PKM: variants seen among roughly 807,000 people sequenced by gnomAD.
The protein encoded by PKM is pyruvate kinase PKM.
In PKM, 18 loss-of-function variants were observed where a neutral mutation model predicts 49.8. The ratio of observed to expected loss-of-function variants is 0.36; its 90% CI spans 0.25 to 0.54. The LOEUF (loss-of-function observed/expected upper bound fraction) is 0.54. Among genes scored for constraint, PKM ranks in the 20% least tolerant of loss-of-function variants. The pLI is 0.89. For synonymous variants in PKM, 239 were observed against 261.8 expected (o/e 0.91, Z 0.84); for missense variants, 508 against 713.8 (o/e 0.71, Z 3.28).
chr15:72,220,681 G>C (rs906696887), intron 1 of PKM, among the ~76,000 whole-genome samples: 2 of 152,150 alleles, frequency 1.3e-5, no homozygotes, highest in African/African-American at 4.8e-5. Flanking sequence ...GGACCTATAT[G>C]GTTTTGTATC....
At chr15:72,209,893 G>T (rs1376807843) in intron 4 of PKM, 34 bp from the exon 5 acceptor site, 14 of 1,557,046 alleles carry the variant, frequency 9.0e-6, no homozygotes, top group Non-Finnish European at 1.2e-5. Flanking sequence ...AGTCCAAACT[G>T]GAGACACCAG....
chr15:72,212,106 G>C (rs768411552), intron 3 of PKM, among the ~76,000 whole-genome samples: 4 of 152,150 alleles, frequency 2.6e-5, no homozygotes, highest in African/African-American at 9.7e-5. Context: ...CCCTTGGCTT[G>C]TCTGTTTTTT....
rs2081924108 is a variant in PKM, at chr15:72,200,703, C to A, written c.1308-48G>T. 1 of 1,531,826 alleles carries A rather than the reference C, an allele frequency of 6.5e-7. No individual in the cohort carries two copies. Among genetic ancestry groups the A allele is most frequent in the South Asian group, 1.2e-5 (1 of 86,268 alleles). The allele number at this position is 1,531,826 out of a possible 1,614,324, so 94.9% of individuals were successfully genotyped here. Reference sequence around the variant, plus strand: ...CAGAAGAGACCATTACACGAGGCCCCAGGAAGTACCCTCAGGGCGTTCAAA... The same window carrying A: ...CAGAAGAGACCATTACACGAGGCCCAAGGAAGTACCCTCAGGGCGTTCAAA... On this transcript the variant is annotated intron_variant, in intron 9 of 10. Transcript: ENST00000335181. The surrounding 1 kb of genome is among the most constrained non-coding windows in gnomAD (Gnocchi z 4.6).
At chr15:72,228,307 A>G (rs2082740472) in intron 1 of PKM, among the ~76,000 whole-genome samples, 2 of 151,622 alleles carry the variant, frequency 1.3e-5, no homozygotes. Flanking sequence ...CTGCCAGTCT[A>G]CACTTAAGCT....
chr15:72,214,903 A>G (rs1338228695), intron 3 of PKM, among the ~76,000 whole-genome samples: 1 of 152,014 alleles, frequency 6.6e-6, no homozygotes, highest in African/African-American at 2.4e-5. Flanking sequence ...TGAGGGCTGA[A>G]GACTAGTTGC....
rs1027763488 is a variant in PKM at position 72,226,355 on chromosome 15, G to A, written c.-14+4761C>T. 2.6e-5 allele frequency among the ~76,000 whole-genome samples: 4 copies of A among 151,472 alleles called. No homozygotes were observed. The South Asian group carries it at 8.3e-4, about 31-fold the overall frequency. On this transcript the variant is annotated intron_variant, in intron 1 of 10. Coordinates refer to ENST00000335181, the MANE Select transcript of PKM (RefSeq NM_002654.6). The stretch of plus-strand genomic sequence containing the variant: ...ATCCTGGCTAACACAGTGAAACCCC[G>A]TCTCTACTAAAAAATACAAAAAAAA...
chr15:72,230,331 G>A (rs2082820304), intron 1 of PKM, among the ~76,000 whole-genome samples: 1 of 152,078 alleles, frequency 6.6e-6, no homozygotes, highest in African/African-American at 2.4e-5. Context: ...GGGGCACCCA[G>A]CCCAGCCCTC....
At chr15:72,211,638 G>A (rs142286949) in intron 3 of PKM, among the ~76,000 whole-genome samples, 2,693 of 152,028 alleles carry the variant, frequency 0.018, 48 homozygotes, top group African/African-American at 0.038. Context: ...GCAACATGGC[G>A]AAACCTCGTC....
At chr15:72,230,911 G>A (rs2082846578) in intron 1 of PKM, 1 of 1,286,446 alleles carries the variant, frequency 7.8e-7, no homozygotes, top group Non-Finnish European at 1.0e-6. Flanking sequence ...TGATCTGGAA[G>A]GAACGGCGCT....
chr15:72,230,650 A>T (rs1230138091), intron 1 of PKM, among the ~76,000 whole-genome samples: 1 of 152,126 alleles, frequency 6.6e-6, no homozygotes, highest in Non-Finnish European at 1.5e-5. Context: ...TTACACAGAA[A>T]GCATTAGAAT....
At chr15:72,221,924 CAAA>C (rs10706808) in intron 1 of PKM, among the ~76,000 whole-genome samples, 67 of 109,890 alleles carry the variant, frequency 6.1e-4, no homozygotes, top group Middle Eastern at 4.7e-3. Flanking sequence ...AACCTCAAAG[CAAA>C]AAAAAAAAAA....
intron 1 of PKM, chr15:72,228,446 C>T: frequency 3.9e-6 from 1 of 255,424 alleles, no homozygotes. Context: ...GGCGCGATCT[C>T]GGCTCACTGC....
intron 3 of PKM, among the ~76,000 whole-genome samples, chr15:72,211,096 T>C (rs562948269): frequency 2.0e-5 from 3 of 151,856 alleles, no homozygotes; most frequent in South Asian, 2.1e-4. Flanking sequence ...GACAGAGTCT[T>C]GCTCTGTCGC....
At chr15:72,203,279 T>C (rs1381111297) in intron 8 of PKM, 7 of 1,154,098 alleles carry the variant, frequency 6.1e-6, no homozygotes, top group Non-Finnish European at 9.0e-6. Flanking sequence ...ATGGGGAATT[T>C]ATCAGAGAGG....
chr15:72,199,714 A>G lies in PKM; in HGVS notation c.1532T>C (p.Val511Ala). 6.2e-7 allele frequency: 1 copy of G among 1,614,058 alleles called. No individual in the cohort carries two copies. Among genetic ancestry groups the G allele is most frequent in the African/African-American group, 1.3e-5 (1 of 75,060 alleles). ...GGAGCCAGGGCGCCATCCGGTCAGC[A>G]CAATGACCACATCTCCCTTCTTGAA... ...GFFKKGDVVI[V>A]LTGWRPGSGF... The change falls in exon 11 of 11, where the codon GTG (valine) becomes GCG (alanine). Residue 511 changes from valine (V) to alanine (A), a missense_variant. Val to Ala is a moderately conservative substitution (Grantham distance 64). Transcript: ENST00000335181.
At chr15:72,203,470 C>G in intron 8 of PKM, 1 of 467,158 alleles carries the variant, frequency 2.1e-6, no homozygotes, top group South Asian at 2.1e-5. Context: ...GCAGTAGGCT[C>G]TAGCACCCTG....
At chr15:72,228,857 T>C (rs2082762480) in intron 1 of PKM, among the ~76,000 whole-genome samples, 2 of 152,064 alleles carry the variant, frequency 1.3e-5, no homozygotes, top group South Asian at 4.1e-4. Flanking sequence ...CCAATCCTAA[T>C]CTCACCAGCA....
intron 1 of PKM, among the ~76,000 whole-genome samples, chr15:72,221,924 CAAAA>C (rs10706808): frequency 1.2e-4 from 13 of 109,888 alleles, no homozygotes; most frequent in Admixed American, 1.8e-4. Flanking sequence ...AACCTCAAAG[CAAAA>C]AAAAAAAAAA....
chr15:72,229,852 C>A, intron 1 of PKM: 1 of 210,268 alleles, frequency 4.8e-6, no homozygotes, highest in Non-Finnish European at 8.4e-6. Flanking sequence ...CCCCACCCCA[C>A]CCCGCGGCCT....
Sources: allele counts gnomAD v4.1 joint callset (sites outside exome capture counted in the v4.1 genomes callset), GRCh38; gene constraint gnomAD v4.1.1; non-coding constraint Gnocchi (gnomAD v3.1); transcripts MANE v1.5; gene names NCBI Gene and HGNC (gene_info 2026-07-23, HGNC 2026-07-21).